TENM2: variants seen among roughly 807,000 people sequenced by gnomAD.
The protein encoded by TENM2 is teneurin-2.
Under a neutral mutation model 245.2 loss-of-function variants are expected in TENM2, and 52 were observed. The observed-to-expected ratio is 0.21, with a 90% CI of 0.17 to 0.27. The LOEUF is 0.27. Ranked by LOEUF, TENM2 falls within the 10% of genes least tolerant of loss-of-function variation. The probability of loss-of-function intolerance (pLI) is 1.00; values close to 1 mark genes in which losing one functional copy is unlikely to be tolerated. For synonymous variants in TENM2, 1,363 were observed against 1,438.9 expected, an observed-to-expected ratio of 0.95 and a Z score of 1.19; for missense variants, 3,046 against 3,666.8, an observed-to-expected ratio of 0.83 and a Z score of 4.37.
At chr5:167,240,026 G>A in the TENM2 span, among the ~76,000 whole-genome samples, 5 of 152,130 alleles carry the variant, frequency 3.3e-5, no homozygotes, top group Non-Finnish European at 5.9e-5. Context: ...TGCCTGCCTC[G>A]GCCTCCCAAA....
Position 167,488,671 on chromosome 5 carries a change from C to G in TENM2, c.502+113198C>G, listed in dbSNP as rs755198682. 3.0e-4 allele frequency among the ~76,000 whole-genome samples: 46 copies of G among 152,026 alleles called. 1 individual carries two copies. Among genetic ancestry groups the G allele is most frequent in the Non-Finnish European group, 5.4e-4 (37 of 67,984 alleles). On this transcript the variant is annotated intron_variant, in intron 2 of 28. Transcript: ENST00000518659. ...TGCACCCCGCCCCCTTCTACCCCCA[C>G]CACATCCAAAGTGATCTCATCCAGT...
chr5:167,612,204 T>C (rs182011479), intron 2 of TENM2, among the ~76,000 whole-genome samples: 3 of 152,168 alleles, frequency 2.0e-5, no homozygotes, highest in East Asian at 1.9e-4. Context: ...AACAGCACAA[T>C]GTGTCCTAAA....
intron 2 of TENM2, among the ~76,000 whole-genome samples, chr5:167,735,187 C>T (rs1760713926): frequency 6.6e-6 from 1 of 152,128 alleles, no homozygotes. Flanking sequence ...GTCTGAAAAT[C>T]GTGGTCGTAT....
chr5:167,480,662 G>A (rs1194739003), intron 2 of TENM2, among the ~76,000 whole-genome samples: 1 of 152,122 alleles, frequency 6.6e-6, no homozygotes, highest in Non-Finnish European at 1.5e-5. Flanking sequence ...CCAAGGATAT[G>A]GTCAAAGCAG....
intron 1 of TENM2, among the ~76,000 whole-genome samples, chr5:167,314,220 C>A (rs1045023601): frequency 6.6e-6 from 1 of 151,916 alleles, no homozygotes; most frequent in Non-Finnish European, 1.5e-5. Context: ...AATGTTTGTT[C>A]TTCTATTATG....
intron 3 of TENM2, among the ~76,000 whole-genome samples, chr5:167,941,369 C>T: frequency 6.6e-6 from 1 of 152,094 alleles, no homozygotes; most frequent in South Asian, 2.1e-4. Flanking sequence ...TCACATTGTC[C>T]ACCATTGGAC....
At chr5:168,110,149 G>T (rs1027973858) in intron 9 of TENM2, among the ~76,000 whole-genome samples, 1 of 150,506 alleles carries the variant, frequency 6.6e-6, no homozygotes, top group Non-Finnish European at 1.5e-5. Flanking sequence ...TGCACACAGA[G>T]CTAGGGGAAT....
intron 3 of TENM2, among the ~76,000 whole-genome samples, chr5:167,918,959 CAAT>C (rs1777151524): frequency 6.6e-6 from 1 of 152,074 alleles, no homozygotes; most frequent in African/African-American, 2.4e-5. Flanking sequence ...GAGCAATCAA[CAAT>C]GTGTTGCTTG....
the TENM2 span, among the ~76,000 whole-genome samples, chr5:167,084,802 T>C: frequency 6.6e-6 from 1 of 152,158 alleles, no homozygotes; most frequent in African/African-American, 2.4e-5. Context: ...CCCTAACTGA[T>C]GTAATGCATG....
Position 167,341,079 on chromosome 5 carries a change from GA to G in TENM2, c.227-34117del, listed in dbSNP as rs528489805. ...TCGCATTCGATGAGAGGCCAACCCT[GA>G]AGATGGTTTCAGTGTTCTTCCCAGG... On this transcript the variant is annotated intron_variant, in intron 1 of 28. Transcript: ENST00000518659. Among the ~76,000 whole-genome samples, 19 of 152,262 alleles carry G rather than the reference GA, an allele frequency of 1.2e-4. No individual in the cohort carries two copies. In the South Asian group the frequency reaches 3.3e-3, roughly 27 times the overall value.
chr5:168,255,597 G>T (rs767015580), intron 27 of TENM2, among the ~76,000 whole-genome samples: 1 of 151,970 alleles, frequency 6.6e-6, no homozygotes, highest in East Asian at 1.9e-4. Flanking sequence ...GAGCCACCAC[G>T]CCTGGCCTCA....
intron 2 of TENM2, among the ~76,000 whole-genome samples, chr5:167,416,425 C>T (rs561132474): frequency 9.2e-5 from 14 of 152,236 alleles, no homozygotes; most frequent in African/African-American, 3.4e-4. Flanking sequence ...GATTTAAATA[C>T]ATACGGGGCT....
chr5:168,171,267 G>T (rs1560651), intron 13 of TENM2, among the ~76,000 whole-genome samples: 5 of 152,022 alleles, frequency 3.3e-5, no homozygotes, highest in Non-Finnish European at 7.4e-5. Flanking sequence ...ACACTAGACT[G>T]TAAGTTCAAT....
chr5:167,283,607 C>T (rs115908635), upstream of TENM2, among the ~76,000 whole-genome samples: 243 of 152,274 alleles, frequency 1.6e-3, no homozygotes, highest in African/African-American at 5.2e-3. Context: ...ATCTGCTCCC[C>T]AAGTATTTCC....
intron 8 of TENM2, among the ~76,000 whole-genome samples, chr5:168,097,448 T>G (rs1793459666): frequency 6.6e-6 from 1 of 152,106 alleles, no homozygotes; most frequent in Non-Finnish European, 1.5e-5. Context: ...TTTTTGAAAT[T>G]GAGTCTCGCT....
chr5:167,213,001 A>T, the TENM2 span, among the ~76,000 whole-genome samples: 1 of 152,238 alleles, frequency 6.6e-6, no homozygotes, highest in East Asian at 1.9e-4. Flanking sequence ...AATTTGAAAC[A>T]ATATGATTTC....
Position 168,113,157 on chromosome 5 carries a change from AT to A in TENM2, c.1814-5125del, listed in dbSNP as rs144728994. On this transcript the variant is annotated intron_variant, in intron 9 of 28. Coordinates refer to ENST00000518659, the Ensembl canonical transcript of TENM2. ...CATAAAGAGACCCCGTCTCTACCGA[AT>A]TTTTTTTTTAAATTAGCTGGGCATG... 7.4e-3 allele frequency among the ~76,000 whole-genome samples: 1,109 copies of A among 150,320 alleles called. 11 individuals carry two copies. Among genetic ancestry groups the A allele is most frequent in the African/African-American group, 0.024 (967 of 40,972 alleles).
At chr5:167,588,334 G>A (rs2127699704) in intron 2 of TENM2, among the ~76,000 whole-genome samples, 1 of 152,310 alleles carries the variant, frequency 6.6e-6, no homozygotes, top group African/African-American at 2.4e-5. Flanking sequence ...TTGTGTATCT[G>A]CATTGAATAT....
At chr5:167,452,799 G>T (rs1475663443) in intron 2 of TENM2, among the ~76,000 whole-genome samples, 1 of 151,134 alleles carries the variant, frequency 6.6e-6, no homozygotes, top group African/African-American at 2.4e-5. Context: ...GGGGAGCGGG[G>T]AGGGATAGCA....
Sources: allele counts gnomAD v4.1 joint callset (sites outside exome capture counted in the v4.1 genomes callset), GRCh38; gene constraint gnomAD v4.1.1; transcripts MANE v1.5; gene names NCBI Gene and HGNC (gene_info 2026-07-23, HGNC 2026-07-21).